The following DGUOK variants were observed in gnomAD, a reference collection of about 807,000 sequenced individuals.
DGUOK encodes deoxyguanosine kinase.
A neutral mutation model predicts 36.6 loss-of-function variants in DGUOK; 30 were observed. The ratio of observed to expected loss-of-function variants is 0.82; its 90% CI spans 0.61 to 1.11. DGUOK has a LOEUF of 1.11. Among genes scored for constraint, DGUOK ranks in the 50% most tolerant of loss-of-function variants. The pLI is 0.00. For missense variants in DGUOK, 361 were observed against 336.4 expected (o/e 1.07, Z -0.57); for synonymous variants, 145 against 126.3 (o/e 1.15, Z -0.99).
intron 1 of DGUOK, among the ~76,000 whole-genome samples, chr2:73,932,986 CT>C (rs1558644477): frequency 5.9e-5 from 9 of 152,134 alleles, no homozygotes; most frequent in African/African-American, 2.2e-4. Flanking sequence ...GAAAAGATTG[CT>C]GTATGAAATC....
rs943379378 is a variant in DGUOK at position 73,930,770 on chromosome 2, C to T, written c.142+3718C>T. 2.1e-5 allele frequency among the ~76,000 whole-genome samples: 3 copies of T among 143,926 alleles called. No homozygotes were observed. The East Asian group carries it at 6.1e-4, about 29-fold the overall frequency. The allele number at this position is 143,926 out of a possible 152,430, so 94.4% of individuals were successfully genotyped here. ...ACAACTAAGTAGGAGAAAACAGATT[C>T]GACATAATTTTCTTTTTTTTTTTCT... On this transcript the variant is annotated intron_variant, in intron 1 of 6. Coordinates refer to ENST00000264093, the MANE Select transcript of DGUOK (RefSeq NM_080916.3).
intron 1 of DGUOK, among the ~76,000 whole-genome samples, chr2:73,930,944 C>T (rs557857475): frequency 1.3e-5 from 2 of 150,450 alleles, no homozygotes; most frequent in South Asian, 4.2e-4. Flanking sequence ...TACAGGCGCC[C>T]GCCACCATGC....
intron 2 of DGUOK, among the ~76,000 whole-genome samples, chr2:73,944,629 ATTTTT>A (rs1027452582): frequency 2.0e-5 from 3 of 152,230 alleles, no homozygotes; most frequent in Non-Finnish European, 4.4e-5. Context: ...GTTTGCTTAT[ATTTTT>A]GGAAGGATGT....
intron 4 of DGUOK, among the ~76,000 whole-genome samples, chr2:73,953,781 C>T (rs1462085683): frequency 1.4e-5 from 2 of 143,734 alleles, no homozygotes; most frequent in Non-Finnish European, 1.5e-5. Flanking sequence ...TGGAGTGGCA[C>T]GATCTCTGCT....
rs1558670787 is a variant in DGUOK at position 73,958,198 on chromosome 2, G to A, written c.760G>A (p.Asp254Asn). 6.2e-7 allele frequency: 1 copy of A among 1,613,772 alleles called. No homozygotes were observed. The change falls in exon 6 of 7, where the codon GAT (aspartate) becomes AAT (asparagine). Residue 254 changes from aspartate (D) to asparagine (N), a missense_variant. By Grantham distance (23) the Asp-to-Asn change is conservative (BLOSUM62 1). Coordinates refer to ENST00000264093, the MANE Select transcript of DGUOK (RefSeq NM_080916.3). ...NIPVLVLDVNDDFSEEVTKQE... is the reference protein window; with the variant it reads ...NIPVLVLDVNNDFSEEVTKQE... The stretch of plus-strand genomic sequence containing the variant: ...TCCAGTGCTGGTGTTGGATGTCAAT[G>A]ATGATTTTTCTGAGGAAGTAACCAA...
intron 6 of DGUOK, 32 bp downstream of exon 6, chr2:73,958,277 G>A: frequency 6.5e-7 from 1 of 1,546,266 alleles, no homozygotes; most frequent in Non-Finnish European, 8.9e-7. Context: ...GTTTTCTGGT[G>A]GTTTCCTTTG....
intron 2 of DGUOK, among the ~76,000 whole-genome samples, chr2:73,943,696 C>T (rs966972967): frequency 1.3e-5 from 2 of 151,388 alleles, no homozygotes; most frequent in African/African-American, 4.9e-5. Flanking sequence ...GTTGCCCAGG[C>T]CAGAGTGCAA....
At chr2:73,937,480 T>C (rs1214719547) in intron 1 of DGUOK, among the ~76,000 whole-genome samples, 1 of 151,582 alleles carries the variant, frequency 6.6e-6, no homozygotes, top group Non-Finnish European at 1.5e-5. Context: ...AGCATGGAGG[T>C]GGGAATGGAG....
At chr2:73,934,299 C>G (rs1158323767) in intron 1 of DGUOK, among the ~76,000 whole-genome samples, 1 of 152,144 alleles carries the variant, frequency 6.6e-6, no homozygotes, top group Non-Finnish European at 1.5e-5. Flanking sequence ...TAATGAAAAT[C>G]AACATGTTGA....
intron 2 of DGUOK, among the ~76,000 whole-genome samples, chr2:73,941,506 A>C (rs1414524534): frequency 6.6e-6 from 1 of 152,202 alleles, no homozygotes; most frequent in Non-Finnish European, 1.5e-5. Flanking sequence ...AATGTATAAA[A>C]TATATATACA....
intron 2 of DGUOK, among the ~76,000 whole-genome samples, chr2:73,942,148 A>G (rs899754001): frequency 5.9e-5 from 9 of 152,060 alleles, no homozygotes; most frequent in South Asian, 2.1e-4. Context: ...GACCTCAGGT[A>G]ATCCACCTGA....
Position 73,932,388 on chromosome 2 carries a change from A to G in DGUOK, c.142+5336A>G, listed in dbSNP as rs151150204. Among the ~76,000 whole-genome samples the G allele has an allele frequency of 3.3e-5, 5 of 152,096 alleles. No homozygotes were observed. The East Asian group carries it at 9.7e-4, about 29-fold the overall frequency. On this transcript the variant is annotated intron_variant, in intron 1 of 6. Coordinates refer to ENST00000264093, the MANE Select transcript of DGUOK (RefSeq NM_080916.3). ...TTCTGCTGAGCTTGTTTGCACATTC[A>G]CCACCTTCCTTGGGCTCTGACCACT... is the stretch of plus-strand genomic sequence containing the variant.
intron 4 of DGUOK, among the ~76,000 whole-genome samples, chr2:73,952,388 G>C (rs781580288): frequency 6.6e-6 from 1 of 152,194 alleles, no homozygotes; most frequent in Non-Finnish European, 1.5e-5. Flanking sequence ...TGTGGGGAGA[G>C]GAGTCCCCTC....
intron 1 of DGUOK, among the ~76,000 whole-genome samples, chr2:73,936,713 G>A (rs1004215488): frequency 6.6e-6 from 1 of 152,126 alleles, no homozygotes; most frequent in African/African-American, 2.4e-5. Flanking sequence ...GTTTCAGAGG[G>A]AACTGAAATT....
chr2:73,936,757 G>T (rs1681494487), intron 1 of DGUOK, among the ~76,000 whole-genome samples: 1 of 152,180 alleles, frequency 6.6e-6, no homozygotes, highest in Non-Finnish European at 1.5e-5. Context: ...CATTCAGCTA[G>T]GTCATTAGGT....
chr2:73,928,379 C>T (rs531420291), intron 1 of DGUOK, among the ~76,000 whole-genome samples: 1 of 152,302 alleles, frequency 6.6e-6, no homozygotes, highest in East Asian at 1.9e-4. Flanking sequence ...CCGCCTGCCT[C>T]GGCCTCCCAA....
intron 1 of DGUOK, among the ~76,000 whole-genome samples, chr2:73,931,805 A>G (rs958280301): frequency 9.2e-5 from 14 of 152,278 alleles, no homozygotes; most frequent in Admixed American, 6.5e-4. Flanking sequence ...TTTTGTGGCT[A>G]TTGGAGTAAT....
At chr2:73,933,812 T>C (rs1202307047) in intron 1 of DGUOK, among the ~76,000 whole-genome samples, 3 of 152,182 alleles carry the variant, frequency 2.0e-5, no homozygotes, top group Non-Finnish European at 2.9e-5. Context: ...ATTTCAGTTA[T>C]AGTACTTACC....
At chr2:73,957,059 C>T in intron 4 of DGUOK, 66 bp from the exon 5 acceptor site, 6 of 1,163,068 alleles carry the variant, frequency 5.2e-6, no homozygotes, top group Non-Finnish European at 7.8e-6. Flanking sequence ...CTCAGAGCCC[C>T]CGAAGACTGC....
Sources: allele counts gnomAD v4.1 joint callset (sites outside exome capture counted in the v4.1 genomes callset), GRCh38; gene constraint gnomAD v4.1.1; transcripts MANE v1.5; gene names NCBI Gene and HGNC (gene_info 2026-07-23, HGNC 2026-07-21).